The following MED13 variants were observed in gnomAD, a reference collection of about 807,000 sequenced individuals.
The protein encoded by MED13 is mediator of RNA polymerase II transcription subunit 13.
MED13 carries 23 observed loss-of-function variants against 225.2 expected under a neutral mutation model. The ratio of observed to expected loss-of-function variants is 0.10; its 90% CI spans 0.07 to 0.14. The LOEUF (loss-of-function observed/expected upper bound fraction) is 0.14, where lower values mean the gene tolerates loss of function less well. MED13 is among the 10% of genes least tolerant of loss of function. The pLI, the probability that MED13 is intolerant of heterozygous loss-of-function variation, is 1.00. For synonymous variants in MED13, 942 were observed against 889.2 expected (o/e 1.06, Z -1.06); for missense variants, 2,197 against 2,594.5 (o/e 0.85, Z 3.33).
At chr17:62,024,876 T>A (rs1176141929) in intron 8 of MED13, among the ~76,000 whole-genome samples, 1 of 152,220 alleles carries the variant, frequency 6.6e-6, no homozygotes, top group Non-Finnish European at 1.5e-5. Flanking sequence ...CATTTTTTTT[T>A]ATGGCTGCAC....
At chr17:61,974,900 A>G (rs1328966509) in intron 16 of MED13, among the ~76,000 whole-genome samples, 1 of 152,244 alleles carries the variant, frequency 6.6e-6, no homozygotes, top group Non-Finnish European at 1.5e-5. Context: ...CACAAGCAAC[A>G]AGAGAAAAAA....
At chr17:61,959,344 C>T (rs1042583558) in intron 23 of MED13, among the ~76,000 whole-genome samples, 9 of 152,124 alleles carry the variant, frequency 5.9e-5, no homozygotes, top group African/African-American at 2.2e-4. Context: ...CATTATCTCA[C>T]TTCTACTTTA....
At position 61,965,056 on chromosome 17, in the gene MED13, A is replaced by C. The variant is rs748854903; in HGVS notation, c.4794T>G (p.Ser1598=). 6.2e-7 allele frequency: 1 copy of C among 1,614,152 alleles called. No homozygotes were observed. The highest frequency in any genetic ancestry group is 1.7e-5 in the Admixed American group (1 of 60,014). ...GAGTGGGAAGTGAAGATGATTCTCC[A>C]GAAATCCCAGCTGTCTGTAGAGCTG... ...QTSALQTAGI[S]GESSSLPTQP... The change falls in exon 20 of 30, where the codon TCT becomes TCG. Residue 1598 remains serine (S), a synonymous_variant. Coordinates refer to ENST00000397786, the MANE Select transcript of MED13 (RefSeq NM_005121.3).
At chr17:62,054,395 A>T (rs1348419125) in intron 2 of MED13, among the ~76,000 whole-genome samples, 3 of 152,194 alleles carry the variant, frequency 2.0e-5, no homozygotes, top group African/African-American at 7.2e-5. Flanking sequence ...GTATAGAATA[A>T]TTTTTTAAGT....
At chr17:61,996,004 A>C (rs980078365) in intron 9 of MED13, among the ~76,000 whole-genome samples, 1 of 152,196 alleles carries the variant, frequency 6.6e-6, no homozygotes, top group Admixed American at 6.5e-5. Context: ...CTGGTTCAAC[A>C]CAGCAACTAA....
intron 8 of MED13, among the ~76,000 whole-genome samples, chr17:62,022,696 G>A (rs981932416): frequency 1.3e-5 from 2 of 152,106 alleles, no homozygotes; most frequent in Non-Finnish European, 2.9e-5. Flanking sequence ...AAAATTAGCT[G>A]TGAAAAATAA....
chr17:61,959,234 C>T (rs1207215682), intron 23 of MED13, among the ~76,000 whole-genome samples: 2 of 152,078 alleles, frequency 1.3e-5, no homozygotes, highest in African/African-American at 4.8e-5. Flanking sequence ...AGGCTGGTCT[C>T]GAACTCCTGA....
chr17:61,990,291 TACAC>T (rs1206387433), intron 11 of MED13, among the ~76,000 whole-genome samples: 1 of 151,962 alleles, frequency 6.6e-6, no homozygotes, highest in Non-Finnish European at 1.5e-5. Flanking sequence ...TATATATACA[TACAC>T]ACACATATAC....
rs1291334222 is a variant in MED13, at chr17:61,955,322, G to C, written c.5968+60C>G. 3.8e-6 allele frequency: 5 copies of C among 1,321,014 alleles called. No homozygotes were observed. The East Asian group carries it at 1.2e-4, about 33-fold the overall frequency. 81.8% of individuals were successfully genotyped at this position (1,321,014 alleles called of 1,614,324 possible). On this transcript the variant is annotated intron_variant, in intron 26 of 29. Transcript: ENST00000397786. ...GTAACATTCACACGTTTCAGGTATT[G>C]GACATGAATTTATTTTGGGGGGTAT...
chr17:62,014,507 G>C (rs946308902), intron 8 of MED13, among the ~76,000 whole-genome samples: 2 of 151,806 alleles, frequency 1.3e-5, no homozygotes, highest in Non-Finnish European at 2.9e-5. Flanking sequence ...AGTAGAGGTG[G>C]GGTTTCACCA....
intron 9 of MED13, among the ~76,000 whole-genome samples, chr17:62,008,775 ATTAAC>A (rs1427112180): frequency 2.6e-5 from 4 of 152,154 alleles, no homozygotes; most frequent in African/African-American, 9.7e-5. Context: ...AAATTGTGGT[ATTAAC>A]TTGAGTCTAA....
chr17:61,968,106 G>A lies in MED13; in HGVS notation c.4120C>T (p.Leu1374=). ...GSQRDIAYVV[L]CPENEALLNG... Reference sequence around the variant, plus strand: ...AACAAGGCTTCATTTTCTGGACACAGTACAACATAGGCTATATCTCTTTGA... The same window carrying A: ...AACAAGGCTTCATTTTCTGGACACAATACAACATAGGCTATATCTCTTTGA... The change falls in exon 18 of 30, where the codon CTG becomes TTG. Residue 1374 remains leucine (L), a synonymous_variant. Coordinates refer to ENST00000397786, the MANE Select transcript of MED13 (RefSeq NM_005121.3). 3.1e-6 allele frequency: 5 copies of A among 1,614,048 alleles called. No homozygotes were observed. The highest frequency in any genetic ancestry group is 4.2e-6 in the Non-Finnish European group (5 of 1,179,970).
intron 8 of MED13, among the ~76,000 whole-genome samples, chr17:62,012,589 C>G (rs2080522010): frequency 6.6e-6 from 1 of 151,980 alleles, no homozygotes; most frequent in Admixed American, 6.6e-5. Flanking sequence ...CTCGGCCTCC[C>G]AAAGTGCTGG....
At position 62,037,236 on chromosome 17, in the gene MED13, G is replaced by A. The variant is rs145341012; in HGVS notation, c.471-1628C>T. Reference sequence around the variant, plus strand: ...CCACTGCATTACAGCATGGGCGACAGAGTAAGACTGTCTCAAAAAACATAT... The same window carrying A: ...CCACTGCATTACAGCATGGGCGACAAAGTAAGACTGTCTCAAAAAACATAT... On this transcript the variant is annotated intron_variant, in intron 3 of 29. Coordinates refer to ENST00000397786, the MANE Select transcript of MED13 (RefSeq NM_005121.3). 3.6e-4 allele frequency among the ~76,000 whole-genome samples: 55 copies of A among 152,072 alleles called. 1 individual carries two copies. The highest frequency in any genetic ancestry group is 1.3e-3 in the African/African-American group (52 of 41,500).
At chr17:61,983,929 T>G (rs1229539292) in intron 15 of MED13, among the ~76,000 whole-genome samples, 1 of 152,056 alleles carries the variant, frequency 6.6e-6, no homozygotes, top group African/African-American at 2.4e-5. Context: ...AGGTTTCGTA[T>G]GTTGGCCAGG....
At position 62,033,964 on chromosome 17, in the gene MED13, G is replaced by A. The variant is rs767355273; in HGVS notation, c.637C>T (p.Leu213=). ...PFQVILCPFG[L]NGTLTGQAFK... ...GCCTGTCCTGTGAGAGTGCCATTTA[G>A]TCCAAATGGGCATAAGATAACTAGA... Residue 213 remains leucine (L), a synonymous_variant, in exon 5 of 30, where the codon CTA becomes TTA. Coordinates refer to ENST00000397786, the MANE Select transcript of MED13 (RefSeq NM_005121.3). 5 of 1,613,872 alleles carry A rather than the reference G, an allele frequency of 3.1e-6. No homozygotes were observed. Among genetic ancestry groups the A allele is most frequent in the Admixed American group, 3.3e-5 (2 of 59,980 alleles).
chr17:62,059,822 ATTC>A (rs2081024248), intron 2 of MED13, among the ~76,000 whole-genome samples: 1 of 152,238 alleles, frequency 6.6e-6, no homozygotes, highest in African/African-American at 2.4e-5. Context: ...AAGTAACAAC[ATTC>A]TTAAGTAAAT....
At position 61,974,445 on chromosome 17, in the gene MED13, T is replaced by C. The variant is rs371362626; in HGVS notation, c.3806-1557A>G. On this transcript the variant is annotated intron_variant, in intron 16 of 29. Coordinates refer to ENST00000397786, the MANE Select transcript of MED13 (RefSeq NM_005121.3). ...AAAGATGATCACAAAAAAATACCTA[T>C]CAAGTACTATGCTTATTACCTGCAT... Among the ~76,000 whole-genome samples, 9 of 152,052 alleles carry C rather than the reference T, an allele frequency of 5.9e-5. No individual in the cohort carries two copies. The South Asian group carries it at 1.5e-3, about 25-fold the overall frequency.
At chr17:62,048,579 T>C (rs1335356095) in intron 3 of MED13, among the ~76,000 whole-genome samples, 2 of 152,078 alleles carry the variant, frequency 1.3e-5, no homozygotes, top group African/African-American at 2.4e-5. Flanking sequence ...TGAGATGATG[T>C]ATTTAAAAGA....
Sources: allele counts gnomAD v4.1 joint callset (sites outside exome capture counted in the v4.1 genomes callset), GRCh38; gene constraint gnomAD v4.1.1; transcripts MANE v1.5; gene names NCBI Gene and HGNC (gene_info 2026-07-23, HGNC 2026-07-21).